TEX9: variants seen among roughly 807,000 people sequenced by gnomAD.
TEX9 encodes the protein testis-expressed protein 9.
In TEX9, 74 loss-of-function variants were observed where a neutral mutation model predicts 59.6. That is an observed-to-expected ratio of 1.24 (90% CI 1.03 to 1.51). The LOEUF is 1.51. Among genes scored for constraint, TEX9 ranks in the 40% most tolerant of loss-of-function variants. The pLI, the probability that TEX9 is intolerant of heterozygous loss-of-function variation, is 0.00. For missense variants in TEX9, 522 were observed against 447.8 expected (o/e 1.17, Z -1.49); for synonymous variants, 186 against 152.2 (o/e 1.22, Z -1.64).
At position 56,301,656 on chromosome 15, in the gene TEX9, A is replaced by G. The variant is rs558511048; in HGVS notation, c.-107+57378A>G. Among the ~76,000 whole-genome samples, 191 of 144,840 alleles carry G rather than the reference A, an allele frequency of 1.3e-3. 1 individual carries two copies. The highest frequency in any genetic ancestry group is 5.0e-3 in the South Asian group (23 of 4,562). On this transcript the variant is annotated intron_variant, in intron 1 of 5. Coordinates refer to the TEX9 transcript ENST00000560827. ...TGGAATGATGTTAAAGTGCTGAAGG[A>G]AAAAAAAAAAAACTTTTACCCTAGA...
intron 1 of TEX9, among the ~76,000 whole-genome samples, chr15:56,250,452 A>C (rs1448174582): frequency 6.6e-6 from 1 of 152,130 alleles, no homozygotes. Flanking sequence ...CGAGCATGCA[A>C]ATGACAAGAC....
At chr15:56,322,491 A>C (rs1033438105) in intron 1 of TEX9, among the ~76,000 whole-genome samples, 12 of 152,164 alleles carry the variant, frequency 7.9e-5, no homozygotes. Flanking sequence ...CTACTGCCCA[A>C]CCAGAATCCT....
chr15:56,302,362 C>CACGA (rs1555431762), intron 1 of TEX9, among the ~76,000 whole-genome samples: 1 of 139,018 alleles, frequency 7.2e-6, no homozygotes, highest in African/African-American at 2.6e-5. Context: ...CACACACACA[C>CACGA]GAACATAAAA....
At chr15:56,318,709 T>C (rs2045834545) in intron 1 of TEX9, among the ~76,000 whole-genome samples, 1 of 152,142 alleles carries the variant, frequency 6.6e-6, no homozygotes, top group Admixed American at 6.5e-5. Flanking sequence ...CTCAGTGGTT[T>C]TCTTGGAGAT....
chr15:56,368,797 T>C (rs985563396), intron 2 of TEX9, among the ~76,000 whole-genome samples: 28 of 152,272 alleles, frequency 1.8e-4, no homozygotes, highest in African/African-American at 6.7e-4. Flanking sequence ...TTTGTCTTTT[T>C]CTTTTTCTAT....
chr15:56,367,886 T>C (rs762796458), intron 2 of TEX9, among the ~76,000 whole-genome samples: 9 of 152,222 alleles, frequency 5.9e-5, no homozygotes, highest in African/African-American at 2.2e-4. Context: ...TACACACAGA[T>C]CTTCAGTCCT....
intron 1 of TEX9, among the ~76,000 whole-genome samples, chr15:56,268,674 C>A (rs1172949166): frequency 1.3e-5 from 2 of 151,756 alleles, no homozygotes; most frequent in African/African-American, 4.8e-5. Context: ...AGGGATGAAG[C>A]CAACTTGATC....
At chr15:56,298,635 G>T (rs2718957) in intron 1 of TEX9, among the ~76,000 whole-genome samples, 68,028 of 151,888 alleles carry the variant, frequency 0.45, 16,305 homozygotes, top group Non-Finnish European at 0.55. Context: ...TCCCTTTATT[G>T]CTGAACTTGA....
chr15:56,336,493 G>A (rs1863426), intron 1 of TEX9, among the ~76,000 whole-genome samples: 149,113 of 152,222 alleles, frequency 0.98, 73,115 homozygotes, highest in Middle Eastern at 1. Context: ...CCTCACCAGA[G>A]CCCCACCATG....
chr15:56,285,060 G>A (rs752522050), intron 1 of TEX9, among the ~76,000 whole-genome samples: 98 of 151,820 alleles, frequency 6.5e-4, no homozygotes, highest in African/African-American at 1.8e-3. Flanking sequence ...TTAAATCATC[G>A]TTCATTTAAA....
intron 1 of TEX9, among the ~76,000 whole-genome samples, chr15:56,300,164 C>T (rs2045309837): frequency 6.6e-6 from 1 of 152,024 alleles, no homozygotes; most frequent in African/African-American, 2.4e-5. Flanking sequence ...AGATCTAGGA[C>T]TGGCAGCATT....
chr15:56,254,780 A>G (rs1005531426), intron 1 of TEX9, among the ~76,000 whole-genome samples: 25 of 150,694 alleles, frequency 1.7e-4, no homozygotes, highest in East Asian at 9.7e-4. Flanking sequence ...TAATTATTGT[A>G]TATAAAATAT....
chr15:56,382,736 TC>T (rs1192582355), intron 3 of TEX9, among the ~76,000 whole-genome samples: 2 of 152,304 alleles, frequency 1.3e-5, no homozygotes, highest in East Asian at 3.9e-4. Flanking sequence ...CGAGGTGGTA[TC>T]CGAGATGCAA....
chr15:56,402,219 A>G (rs11638076), intron 9 of TEX9, among the ~76,000 whole-genome samples: 10,661 of 152,236 alleles, frequency 0.07, 466 homozygotes, highest in Non-Finnish European at 0.1. Context: ...TTGTCTATCA[A>G]CAAAATTGTT....
At chr15:56,264,459 G>C (rs1416773198) in intron 1 of TEX9, among the ~76,000 whole-genome samples, 1 of 152,236 alleles carries the variant, frequency 6.6e-6, no homozygotes, top group Non-Finnish European at 1.5e-5. Flanking sequence ...TTTTTAGAAT[G>C]TTCTATGTAT....
chr15:56,263,423 C>T (rs2947021), intron 1 of TEX9, among the ~76,000 whole-genome samples: 6 of 151,902 alleles, frequency 3.9e-5, no homozygotes, highest in African/African-American at 1.5e-4. Flanking sequence ...ATTGACTTTA[C>T]GTTTGCCATT....
intron 12 of TEX9, among the ~76,000 whole-genome samples, chr15:56,433,330 T>G (rs2050650298): frequency 1.3e-5 from 2 of 151,922 alleles, no homozygotes; most frequent in Admixed American, 1.3e-4. Flanking sequence ...AAAACCTAGA[T>G]GACGGGTTGA....
At chr15:56,345,468 C>A (rs142186492) in intron 1 of TEX9, among the ~76,000 whole-genome samples, 7 of 152,104 alleles carry the variant, frequency 4.6e-5, no homozygotes, top group African/African-American at 1.4e-4. Flanking sequence ...CCTTTTCCCC[C>A]CTAAGAGATG....
chr15:56,280,895 T>G (rs2044800495), intron 1 of TEX9, among the ~76,000 whole-genome samples: 1 of 152,198 alleles, frequency 6.6e-6, no homozygotes, highest in African/African-American at 2.4e-5. Flanking sequence ...ATTTCAACCA[T>G]GTGCTGGGGT....
Sources: allele counts gnomAD v4.1 joint callset (sites outside exome capture counted in the v4.1 genomes callset), GRCh38; gene constraint gnomAD v4.1.1; transcripts MANE v1.5; gene names NCBI Gene and HGNC (gene_info 2026-07-23, HGNC 2026-07-21).